Variants in GGNBP2 observed in about 807,000 individuals in gnomAD.
GGNBP2 encodes gametogenetin-binding protein 2.
Under a neutral mutation model 85.9 loss-of-function variants are expected in GGNBP2, and 10 were observed. That is an observed-to-expected ratio of 0.12 (90% CI 0.07 to 0.20). GGNBP2 has a LOEUF of 0.20. Ranked by LOEUF, GGNBP2 falls within the 10% of genes least tolerant of loss-of-function variation. The probability of loss-of-function intolerance (pLI) is 1.00; values close to 1 mark genes in which losing one functional copy is unlikely to be tolerated. For synonymous variants in GGNBP2, 287 were observed against 285.7 expected (o/e 1.00, Z -0.05); for missense variants, 595 against 857.8 (o/e 0.69, Z 3.83).
chr17:36,581,269 A>G (rs2074646922), intron 8 of GGNBP2, 75 bp from the exon 9 acceptor site: 1 of 1,015,950 alleles, frequency 9.8e-7, no homozygotes, highest in Admixed American at 2.3e-5. Context: ...TGGGCGACAG[A>G]GCAAGATTCC....
chr17:36,558,362 C>A (rs1228591878), intron 4 of GGNBP2, among the ~76,000 whole-genome samples: 1 of 120,998 alleles, frequency 8.3e-6, no homozygotes, highest in Non-Finnish European at 1.6e-5. Context: ...TTGCAGTGAG[C>A]TGAGATCGCA....
intron 6 of GGNBP2, chr17:36,577,528 T>C (rs2074603858): frequency 6.1e-6 from 1 of 164,238 alleles, no homozygotes; most frequent in African/African-American, 2.4e-5. Context: ...AATGTTGTAA[T>C]AGAAATTGGA....
chr17:36,557,364 G>A (rs949149651), intron 4 of GGNBP2, 28 bp downstream of exon 4: 3 of 1,585,424 alleles, frequency 1.9e-6, no homozygotes, highest in Non-Finnish European at 2.6e-6. Context: ...GGAGAAAATG[G>A]GTTTGTTAAA....
At chr17:36,553,953 G>C (rs2074335517) in intron 2 of GGNBP2, among the ~76,000 whole-genome samples, 2 of 152,124 alleles carry the variant, frequency 1.3e-5, no homozygotes, top group Admixed American at 1.3e-4. Flanking sequence ...TCCTATGGTA[G>C]TGAATTTTGA....
At chr17:36,555,001 T>C in intron 3 of GGNBP2, 101 bp downstream of exon 3, 1 of 697,556 alleles carries the variant, frequency 1.4e-6, no homozygotes. Flanking sequence ...CTCTAGGTCT[T>C]AATATTGCAC....
chr17:36,548,930 G>A (rs1475091648), intron 2 of GGNBP2, among the ~76,000 whole-genome samples: 1 of 151,944 alleles, frequency 6.6e-6, no homozygotes, highest in African/African-American at 2.4e-5. Flanking sequence ...GGGAGACAAA[G>A]TGAAACTCCG....
chr17:36,554,831 A>G lies in GGNBP2; in HGVS notation c.105A>G (p.Glu35=), dbSNP rs1228984639. Reference sequence around the variant, plus strand: ...GTTTGCATTTTAAGATGGTGATGGAATTTCCTGATAATGTGTTAAATCTCG... The same window carrying G: ...GTTTGCATTTTAAGATGGTGATGGAGTTTCCTGATAATGTGTTAAATCTCG... The part of the protein sequence containing the change: ...YIDDTLTMVM[E]FPDNVLNLDG... Residue 35 remains glutamate (E), a synonymous_variant, in exon 3 of 14, where the codon GAA becomes GAG. Transcript: ENST00000613102. The G allele has an allele frequency of 1.9e-6, 3 of 1,602,348 alleles. No individual in the cohort carries two copies. Among genetic ancestry groups the G allele is most frequent in the South Asian group, 2.2e-5 (2 of 90,800 alleles).
chr17:36,570,441 T>G (rs1555606603), intron 6 of GGNBP2, among the ~76,000 whole-genome samples: 3 of 152,240 alleles, frequency 2.0e-5, no homozygotes. Flanking sequence ...GGCTCATGCC[T>G]GTAATCCCAG....
chr17:36,554,972 A>G (rs2074348245), intron 3 of GGNBP2, 72 bp downstream of exon 3: 1 of 917,480 alleles, frequency 1.1e-6, no homozygotes, highest in Non-Finnish European at 1.8e-6. Context: ...ATTTAGCTGT[A>G]TTAATTTTAT....
At chr17:36,574,407 C>CTT (rs76600911) in intron 6 of GGNBP2, 22 of 152,746 alleles carry the variant, frequency 1.4e-4, no homozygotes, top group East Asian at 5.2e-4. Flanking sequence ...CGACTGTAGT[C>CTT]TTTTTTTTTT....
chr17:36,586,629 AT>A (rs1003157215), intron 12 of GGNBP2: 4 of 250,436 alleles, frequency 1.6e-5, no homozygotes, highest in East Asian at 9.3e-5. Context: ...CTATGTCAGG[AT>A]TTTTTTGAGA....
At chr17:36,558,414 C>CA (rs755597241) in intron 4 of GGNBP2, among the ~76,000 whole-genome samples, 2,249 of 17,818 alleles carry the variant, frequency 0.13, 168 homozygotes, top group African/African-American at 0.21. Context: ...AGCTCCATCT[C>CA]AAAAAAAAAA....
chr17:36,575,634 ATATATATATATATATT>A (rs1451442659), intron 6 of GGNBP2, among the ~76,000 whole-genome samples: 4 of 46,142 alleles, frequency 8.7e-5, no homozygotes, highest in East Asian at 7.3e-4. Context: ...ATATATATAT[ATATATATATATATATT>A]TTTTTTTTTT....
chr17:36,545,903 C>A, intron 2 of GGNBP2, 86 bp downstream of exon 2: 2 of 953,984 alleles, frequency 2.1e-6, no homozygotes, highest in Non-Finnish European at 3.2e-6. Context: ...GCGCTGCGCA[C>A]TGGAGAAAGA....
At chr17:36,572,807 A>T (rs1267652332) in intron 6 of GGNBP2, among the ~76,000 whole-genome samples, 1 of 152,138 alleles carries the variant, frequency 6.6e-6, no homozygotes, top group Non-Finnish European at 1.5e-5. Flanking sequence ...TTTCATCTCA[A>T]CTGAAACTAT....
chr17:36,579,308 A>G lies in GGNBP2; in HGVS notation c.909A>G (p.Gly303=). 6.2e-7 allele frequency: 1 copy of G among 1,614,196 alleles called. No homozygotes were observed. The highest frequency in any genetic ancestry group is 8.5e-7 in the Non-Finnish European group (1 of 1,180,010). The change falls in exon 8 of 14, where the codon GGA becomes GGG. Residue 303 remains glycine (G), a synonymous_variant. Transcript: ENST00000613102. The part of the protein sequence containing the change: ...IAQEEVLTCL[G]IHLYERLHRI... ...AAGAAGAAGTTCTGACCTGCTTGGG[A>G]ATTCATCTTTATGAAAGACTGCATC...
chr17:36,552,648 A>G (rs1245277502), intron 2 of GGNBP2, among the ~76,000 whole-genome samples: 1 of 152,240 alleles, frequency 6.6e-6, no homozygotes, highest in East Asian at 1.9e-4. Context: ...GTCAGGGTTG[A>G]TAAACCTGAA....
chr17:36,560,805 C>T lies in GGNBP2; in HGVS notation c.461C>T (p.Pro154Leu). ...CTAAATGACATGATAGATGCTATTC[C>T]AAAAAGTAAGAAGAATAAGAGATGT... is the stretch of plus-strand genomic sequence containing the variant. Reference protein sequence around the residue: ...SKLNDMIDAIPKSKKNKRCQL... With the variant: ...SKLNDMIDAILKSKKNKRCQL... Residue 154 changes from proline (P) to leucine (L), a missense_variant, in exon 5 of 14, where the codon CCA becomes CTA. Pro to Leu is a moderately conservative substitution (Grantham distance 98). This residue lies in a region of GGNBP2 where 216 missense variants were observed against 293.4 expected (regional missense o/e 0.74). Coordinates refer to ENST00000613102, the MANE Select transcript of GGNBP2 (RefSeq NM_024835.5). 6.3e-7 allele frequency: 1 copy of T among 1,596,492 alleles called. No individual in the cohort carries two copies. Among genetic ancestry groups the T allele is most frequent in the Non-Finnish European group, 8.5e-7 (1 of 1,170,758 alleles).
intron 6 of GGNBP2, among the ~76,000 whole-genome samples, chr17:36,570,953 G>C (rs989172203): frequency 6.6e-6 from 1 of 152,114 alleles, no homozygotes; most frequent in African/African-American, 2.4e-5. Flanking sequence ...CTGGGAGGCA[G>C]AGTTTGCAGT....
Sources: gnomAD v4.1 joint callset for allele counts (sites outside exome capture counted in the v4.1 genomes callset) on GRCh38, gnomAD v4.1.1 for gene constraint, gnomAD v4.1.1 regional missense constraint, MANE v1.5 for transcripts, NCBI Gene and HGNC (gene_info 2026-07-23, HGNC 2026-07-21) for gene names.